PLCB1: variants seen among roughly 807,000 people sequenced by gnomAD.
The protein encoded by PLCB1 is 1-phosphatidylinositol 4,5-bisphosphate phosphodiesterase beta-1.
A neutral mutation model predicts 161.8 loss-of-function variants in PLCB1; 46 were observed. That is an observed-to-expected ratio of 0.28 (90% CI 0.22 to 0.36). PLCB1 has a LOEUF of 0.36. Ranked by LOEUF, PLCB1 falls within the 10% of genes least tolerant of loss-of-function variation. The pLI is 1.00. For missense variants in PLCB1, 1,016 were observed against 1,472.5 expected (o/e 0.69, Z 5.07); for synonymous variants, 517 against 503.7 (o/e 1.03, Z -0.35).
In PLCB1 at chr20:8,733,611, G is replaced by A. The variant is rs184392635; in HGVS notation, c.2043+219G>A. On this transcript the variant is annotated intron_variant, in intron 19 of 31. Coordinates refer to ENST00000338037, the MANE Select transcript of PLCB1 (RefSeq NM_015192.4). ...TCCCATCTATGAATGCACACGGGAA[G>A]GGGAACATCACACTCTGGGGACTGT... Among the ~76,000 whole-genome samples the A allele has an allele frequency of 6.7e-3, 1,013 of 151,068 alleles. 11 individuals carry two copies. Among genetic ancestry groups the A allele is most frequent in the African/African-American group, 0.023 (949 of 40,892 alleles).
chr20:8,254,140 T>G (rs1052669911), intron 2 of PLCB1, among the ~76,000 whole-genome samples: 1 of 152,010 alleles, frequency 6.6e-6, no homozygotes, highest in African/African-American at 2.4e-5. Context: ...AGAGAACCTT[T>G]TCCCTGCTAA....
chr20:8,760,483 A>G (rs913173512), intron 25 of PLCB1, 23 bp downstream of exon 25: 2 of 1,576,456 alleles, frequency 1.3e-6, no homozygotes, highest in South Asian at 1.1e-5. Context: ...CTTTCCCCCC[A>G]TGGAATTAAG....
intron 31 of PLCB1, among the ~76,000 whole-genome samples, chr20:8,797,848 C>T (rs1008321774): frequency 2.6e-5 from 4 of 152,142 alleles, no homozygotes; most frequent in African/African-American, 9.7e-5. Context: ...TTCAATGTCC[C>T]CTTCAGTTTG....
In PLCB1 at chr20:8,560,477, G is replaced by A. The variant is rs566069810; in HGVS notation, c.247-67817G>A. Among the ~76,000 whole-genome samples the A allele has an allele frequency of 3.9e-5, 6 of 152,034 alleles. No homozygotes were observed. The South Asian group carries it at 1.2e-3, about 31-fold the overall frequency. On this transcript the variant is annotated intron_variant, in intron 3 of 31. Transcript: ENST00000338037. ...AAAGGTTTTAAAAAAAAATACTGAT[G>A]TCTAGAAAGCATTATGGATTAATGC...
chr20:8,486,219 A>T (rs1982715727), intron 3 of PLCB1, among the ~76,000 whole-genome samples: 1 of 152,154 alleles, frequency 6.6e-6, no homozygotes, highest in Non-Finnish European at 1.5e-5. Context: ...TTGGGTGGGG[A>T]CATAGCCAAA....
intron 4 of PLCB1, among the ~76,000 whole-genome samples, chr20:8,631,609 C>A (rs1988591210): frequency 1.3e-5 from 2 of 152,194 alleles, no homozygotes; most frequent in Admixed American, 1.3e-4. Flanking sequence ...CAAACCATTC[C>A]TAGAGCCCTC....
chr20:8,394,289 A>AT (rs772389357), intron 3 of PLCB1, among the ~76,000 whole-genome samples: 96 of 152,108 alleles, frequency 6.3e-4, no homozygotes, highest in Non-Finnish European at 2.5e-4. Context: ...TTGTGGAAGG[A>AT]TTTTAAGTCA....
rs139148886 is a variant in PLCB1 at position 8,835,264 on chromosome 20, A to T, written c.3423+45003A>T. The stretch of plus-strand genomic sequence containing the variant: ...GAGGGACTGAGAGCCACAGGAGATG[A>T]GTAGCAGATGAATTCGGAGTGCCCT... On this transcript the variant is annotated intron_variant, in intron 31 of 31. Coordinates refer to ENST00000338037, the MANE Select transcript of PLCB1 (RefSeq NM_015192.4). 5.9e-5 allele frequency among the ~76,000 whole-genome samples: 9 copies of T among 152,294 alleles called. No individual in the cohort carries two copies. In the East Asian group the frequency reaches 1.4e-3, roughly 23 times the overall value.
intron 3 of PLCB1, among the ~76,000 whole-genome samples, chr20:8,508,669 C>T (rs1330421110): frequency 6.6e-6 from 1 of 152,068 alleles, no homozygotes; most frequent in African/African-American, 2.4e-5. Flanking sequence ...TATGTCAGTT[C>T]TATGTTGGGA....
chr20:8,593,752 A>G (rs1449779397), intron 3 of PLCB1, among the ~76,000 whole-genome samples: 2 of 152,100 alleles, frequency 1.3e-5, no homozygotes, highest in Non-Finnish European at 2.9e-5. Context: ...GTATCATTTT[A>G]TATACCAGGA....
chr20:8,813,039 T>C (rs1214352052), intron 31 of PLCB1, among the ~76,000 whole-genome samples: 1 of 152,152 alleles, frequency 6.6e-6, no homozygotes, highest in Non-Finnish European at 1.5e-5. Flanking sequence ...TGAAAGGGAA[T>C]TGGTCGCCTG....
Position 8,509,735 on chromosome 20 carries a change from TA to T in PLCB1, c.247-118558del, listed in dbSNP as rs1432859525. ...GATAAAGAGATAGGCAGATCATAGA[TA>T]GATAGATAGATAGATAGATAGATAG... On this transcript the variant is annotated intron_variant, in intron 3 of 31. Transcript: ENST00000338037. Among the ~76,000 whole-genome samples the T allele has an allele frequency of 3.4e-3, 54 of 15,690 alleles. No homozygotes were observed. The Middle Eastern group carries it at 0.11, about 32-fold the overall frequency. The allele number at this position is 15,690 out of a possible 152,430, so 10.3% of individuals were successfully genotyped here.
intron 3 of PLCB1, among the ~76,000 whole-genome samples, chr20:8,546,337 A>T (rs1347619260): frequency 6.7e-6 from 1 of 148,860 alleles, no homozygotes; most frequent in Non-Finnish European, 1.5e-5. Context: ...AAAAAAAAAA[A>T]AGAAAGAAAC....
chr20:8,238,778 A>G (rs1980453242), intron 2 of PLCB1, among the ~76,000 whole-genome samples: 2 of 151,940 alleles, frequency 1.3e-5, no homozygotes, highest in Non-Finnish European at 2.9e-5. Flanking sequence ...ACCTGAGGCA[A>G]TGATAACTGA....
intron 2 of PLCB1, among the ~76,000 whole-genome samples, chr20:8,169,785 T>C (rs2051715744): frequency 6.6e-6 from 1 of 152,116 alleles, no homozygotes; most frequent in African/African-American, 2.4e-5. Flanking sequence ...TGTGGCCTAG[T>C]CTACAATTGC....
chr20:8,491,048 A>C (rs1002446776), intron 3 of PLCB1, among the ~76,000 whole-genome samples: 27 of 151,656 alleles, frequency 1.8e-4, no homozygotes, highest in Non-Finnish European at 3.7e-4. Context: ...AAACAGCATA[A>C]ATATTTTACT....
At chr20:8,662,947 A>G (rs905060224) in intron 9 of PLCB1, among the ~76,000 whole-genome samples, 11 of 152,084 alleles carry the variant, frequency 7.2e-5, no homozygotes, top group Admixed American at 5.3e-4. Context: ...CAATAAACAC[A>G]TAAGAAAATA....
At chr20:8,798,042 C>G (rs566511789) in intron 31 of PLCB1, among the ~76,000 whole-genome samples, 3 of 152,126 alleles carry the variant, frequency 2.0e-5, no homozygotes, top group African/African-American at 7.2e-5. Flanking sequence ...AAAAACAATA[C>G]AAACATTAGT....
chr20:8,788,552 AC>A, intron 28 of PLCB1, 27 bp downstream of exon 28: 1 of 1,605,510 alleles, frequency 6.2e-7, no homozygotes, highest in South Asian at 1.1e-5. Context: ...ATTACAATTG[AC>A]ATGTGCATCT....
Sources: allele counts gnomAD v4.1 joint callset (sites outside exome capture counted in the v4.1 genomes callset), GRCh38; gene constraint gnomAD v4.1.1; transcripts MANE v1.5; gene names NCBI Gene and HGNC (gene_info 2026-07-23, HGNC 2026-07-21).